Variants in TUSC3 observed in about 807,000 individuals in gnomAD.
TUSC3 encodes the protein dolichyl-diphosphooligosaccharide--protein glycosyltransferase subunit TUSC3.
Under a neutral mutation model 44.8 loss-of-function variants are expected in TUSC3, and 45 were observed. That is an observed-to-expected ratio of 1.00 (90% CI 0.79 to 1.29). The LOEUF is 1.29. Ranked by LOEUF, TUSC3 falls within the 50% of genes most tolerant of loss-of-function variation. The probability of loss-of-function intolerance (pLI) is 0.00; values close to 1 mark genes in which losing one functional copy is unlikely to be tolerated. For synonymous variants in TUSC3, 212 were observed against 152.9 expected (o/e 1.39, Z -2.85); for missense variants, 519 against 437.9 (o/e 1.19, Z -1.65).
intron 1 of TUSC3, among the ~76,000 whole-genome samples, chr8:15,616,707 C>T (rs1429567011): frequency 6.6e-6 from 1 of 152,222 alleles, no homozygotes; most frequent in East Asian, 1.9e-4. Flanking sequence ...AGCGCTACAA[C>T]AGTCCTTGGG....
At chr8:15,648,295 ATTG>A (rs1354463357) in intron 2 of TUSC3, among the ~76,000 whole-genome samples, 1 of 151,994 alleles carries the variant, frequency 6.6e-6, no homozygotes, top group Non-Finnish European at 1.5e-5. Context: ...TTTATATGAT[ATTG>A]TTTTTGTTTT....
chr8:15,520,135 C>A (rs1801276025), intron 2 of TUSC3, among the ~76,000 whole-genome samples: 2 of 152,182 alleles, frequency 1.3e-5, no homozygotes, highest in East Asian at 3.8e-4. Context: ...TGTAGTCACA[C>A]AATCTCTTTG....
At chr8:15,804,417 G>C in the TUSC3 span, among the ~76,000 whole-genome samples, 1 of 152,308 alleles carries the variant, frequency 6.6e-6, no homozygotes, top group Non-Finnish European at 1.5e-5. Flanking sequence ...CTGATGTCCT[G>C]ACTGGTGTTT....
At chr8:15,468,974 A>G (rs1249201700) in intron 1 of TUSC3, among the ~76,000 whole-genome samples, 1 of 149,454 alleles carries the variant, frequency 6.7e-6, no homozygotes, top group Non-Finnish European at 1.5e-5. Flanking sequence ...TGAAGAGAAG[A>G]TTTGACCCTG....
intron 1 of TUSC3, among the ~76,000 whole-genome samples, chr8:15,430,320 C>G (rs1799856550): frequency 6.7e-6 from 1 of 149,562 alleles, no homozygotes; most frequent in South Asian, 2.1e-4. Context: ...AAGGCTGGTT[C>G]AACATAAACA....
At chr8:15,802,259 A>C in the TUSC3 span, among the ~76,000 whole-genome samples, 1 of 152,186 alleles carries the variant, frequency 6.6e-6, no homozygotes, top group Non-Finnish European at 1.5e-5. Flanking sequence ...AAGAGCCCTA[A>C]ATAATTATCA....
chr8:15,661,839 A>G (rs1258334307), intron 4 of TUSC3, among the ~76,000 whole-genome samples: 2 of 151,936 alleles, frequency 1.3e-5, no homozygotes. Context: ...ACAACTTAAA[A>G]AGAGAAAACC....
intron 2 of TUSC3, among the ~76,000 whole-genome samples, chr8:15,642,824 G>A (rs1806438701): frequency 7.0e-6 from 1 of 143,762 alleles, no homozygotes; most frequent in Admixed American, 6.8e-5. Flanking sequence ...ATAATGGATT[G>A]AAGTATCTTG....
intron 2 of TUSC3, among the ~76,000 whole-genome samples, chr8:15,490,488 AGGCCT>A (rs1279070833): frequency 6.6e-6 from 1 of 152,116 alleles, no homozygotes; most frequent in Non-Finnish European, 1.5e-5. Flanking sequence ...ACTCAACTGA[AGGCCT>A]GCTGACGTTG....
In TUSC3 at chr8:15,659,559, C is replaced by A. The variant is rs1374690650; in HGVS notation, c.479C>A (p.Pro160His). Residue 160 changes from proline (P) to histidine (H), a missense_variant, in exon 4 of 11, where the codon CCT becomes CAT. Pro to His is a moderately conservative substitution (Grantham distance 77). Transcript: ENST00000503731. ...ATGCATTTTCCTCCAAAAGGCAGAC[C>A]TAAGAGAGCTGATACTTTTGACCTC... ...TFMHFPPKGR[P>H]KRADTFDLQR... is the part of the protein sequence containing the mutation. 6.2e-7 allele frequency: 1 copy of A among 1,613,334 alleles called. No homozygotes were observed.
chr8:15,489,584 G>A (rs946579441), intron 2 of TUSC3, among the ~76,000 whole-genome samples: 1 of 152,144 alleles, frequency 6.6e-6, no homozygotes, highest in Non-Finnish European at 1.5e-5. Context: ...ACGTTTTGGG[G>A]TGAGATATTT....
At chr8:15,676,600 C>A (rs996367982) in intron 6 of TUSC3, among the ~76,000 whole-genome samples, 4 of 152,066 alleles carry the variant, frequency 2.6e-5, no homozygotes, top group African/African-American at 9.7e-5. Context: ...CATTTTCCAG[C>A]GGACATTTGG....
At chr8:15,427,498 C>T (rs1305305956) in intron 1 of TUSC3, among the ~76,000 whole-genome samples, 1 of 152,122 alleles carries the variant, frequency 6.6e-6, no homozygotes, top group African/African-American at 2.4e-5. Context: ...GAGCTAACAC[C>T]AGATGCCAGA....
At chr8:15,608,157 A>T (rs1045699714) in intron 1 of TUSC3, among the ~76,000 whole-genome samples, 1 of 152,024 alleles carries the variant, frequency 6.6e-6, no homozygotes, top group African/African-American at 2.4e-5. Flanking sequence ...TGAGTTCTTG[A>T]TTTTGATTCA....
intron 1 of TUSC3, among the ~76,000 whole-genome samples, chr8:15,562,717 T>C (rs1329802433): frequency 6.6e-6 from 1 of 152,142 alleles, no homozygotes; most frequent in Non-Finnish European, 1.5e-5. Context: ...CTTGTGTTGC[T>C]CTCAGTTCTT....
chr8:15,539,487 A>C (rs1801598898), upstream of TUSC3, among the ~76,000 whole-genome samples: 1 of 149,944 alleles, frequency 6.7e-6, no homozygotes, highest in Admixed American at 6.7e-5. Context: ...CAAGTAGAGG[A>C]ACTGCAAGGC....
At chr8:15,670,349 A>T (rs1239937057) in intron 5 of TUSC3, among the ~76,000 whole-genome samples, 1 of 151,898 alleles carries the variant, frequency 6.6e-6, no homozygotes, top group Non-Finnish European at 1.5e-5. Context: ...TTCATTTCAC[A>T]TAAAGCCATC....
chr8:15,431,552 G>T (rs1799873802), intron 1 of TUSC3, among the ~76,000 whole-genome samples: 1 of 150,978 alleles, frequency 6.6e-6, no homozygotes, highest in South Asian at 2.1e-4. Flanking sequence ...TAAAGTCATG[G>T]ATTAGATTTA....
intron 6 of TUSC3, among the ~76,000 whole-genome samples, chr8:15,706,692 AAAT>A (rs1239535062): frequency 6.6e-6 from 1 of 152,056 alleles, no homozygotes; most frequent in Non-Finnish European, 1.5e-5. Context: ...CATAACTTGA[AAAT>A]AAAATAATTA....
Sources: gnomAD v4.1 joint callset for allele counts (sites outside exome capture counted in the v4.1 genomes callset) on GRCh38, gnomAD v4.1.1 for gene constraint, MANE v1.5 for transcripts, NCBI Gene and HGNC (gene_info 2026-07-23, HGNC 2026-07-21) for gene names.